NEK10: variants seen among roughly 807,000 people sequenced by gnomAD.
The protein encoded by NEK10 is serine/threonine-protein kinase Nek10.
In NEK10, 122 loss-of-function variants were observed where a neutral mutation model predicts 159.8. That is an observed-to-expected ratio of 0.76 (90% confidence interval 0.66 to 0.89). The LOEUF (loss-of-function observed/expected upper bound fraction) is 0.89, where lower values mean the gene tolerates loss of function less well. NEK10 is among the 40% of genes least tolerant of loss of function. The pLI is 0.00. For missense variants in NEK10, 1,342 were observed against 1,323.1 expected, an observed-to-expected ratio of 1.01 and a Z score of -0.22; for synonymous variants, 466 against 457.1, an observed-to-expected ratio of 1.02 and a Z score of -0.25.
chr3:27,311,838 A>G (rs997846185), intron 8 of NEK10: 1 of 420,482 alleles, frequency 2.4e-6, no homozygotes, highest in Non-Finnish European at 4.2e-6. Flanking sequence ...GCAAAAATAG[A>G]TTTTACCAAA....
chr3:27,346,210 C>CTAAAGTTAA lies in NEK10; in HGVS notation c.138_139insTTAACTTTA (p.Pro46_Ala47insLeuThrLeu). The CTAAAGTTAA allele has an allele frequency of 3.1e-6, 5 of 1,613,662 alleles. No homozygotes were observed. Among genetic ancestry groups the CTAAAGTTAA allele is most frequent in the Non-Finnish European group, 4.2e-6 (5 of 1,179,670 alleles). Reference sequence around the variant, plus strand: ...TTTTGGGCACTATCGAAGTTAATGGCTGGAAGCTACAGAAATAGAAGCATA... The same window carrying CTAAAGTTAA: ...TTTTGGGCACTATCGAAGTTAATGGCTAAAGTTAATGGAAGCTACAGAAATAGAAGCATA... On this transcript the variant is annotated inframe_insertion, in exon 4 of 36. Coordinates refer to ENST00000691995, the MANE Select transcript of NEK10 (RefSeq NM_001394966.1).
intron 29 of NEK10, among the ~76,000 whole-genome samples, chr3:27,165,727 G>A (rs1946413239): frequency 6.6e-6 from 1 of 152,230 alleles, no homozygotes; most frequent in South Asian, 2.1e-4. Flanking sequence ...TGCTGAAAAT[G>A]AGTGTTAGCC....
At chr3:27,213,022 C>T (rs1951157812) in intron 23 of NEK10, among the ~76,000 whole-genome samples, 1 of 152,144 alleles carries the variant, frequency 6.6e-6, no homozygotes, top group South Asian at 2.1e-4. Context: ...TGTAACTTTA[C>T]TTCATCCTCT....
chr3:27,270,443 C>G (rs995172119), intron 22 of NEK10, among the ~76,000 whole-genome samples: 3 of 152,114 alleles, frequency 2.0e-5, no homozygotes, highest in Non-Finnish European at 4.4e-5. Context: ...ATGAGAAACC[C>G]TAAGTCAGAA....
chr3:27,212,444 C>G (rs1951088916), intron 23 of NEK10, among the ~76,000 whole-genome samples: 1 of 152,168 alleles, frequency 6.6e-6, no homozygotes, highest in Admixed American at 6.5e-5. Context: ...CAGAAGTTCC[C>G]TCACTGAATA....
chr3:27,263,312 C>T (rs1343782161), intron 22 of NEK10, among the ~76,000 whole-genome samples: 5 of 152,208 alleles, frequency 3.3e-5, no homozygotes, highest in South Asian at 2.1e-4. Flanking sequence ...TCTCCAGCTG[C>T]GTGCTGAGAG....
At chr3:27,123,156 G>A (rs1395166522) in intron 32 of NEK10, among the ~76,000 whole-genome samples, 1 of 152,146 alleles carries the variant, frequency 6.6e-6, no homozygotes, top group African/African-American at 2.4e-5. Flanking sequence ...AAATAATCTG[G>A]TTTCTGTGAG....
intron 32 of NEK10, among the ~76,000 whole-genome samples, chr3:27,127,532 A>G (rs1421827075): frequency 6.6e-6 from 1 of 152,156 alleles, no homozygotes; most frequent in African/African-American, 2.4e-5. Flanking sequence ...ACTGTATTAA[A>G]TACTGTAGGC....
chr3:27,298,103 C>T (rs986123331), intron 13 of NEK10, among the ~76,000 whole-genome samples: 2 of 152,112 alleles, frequency 1.3e-5, no homozygotes, highest in South Asian at 2.1e-4. Context: ...TACTCTTAAC[C>T]GTTTATGTTT....
At chr3:27,213,751 G>A (rs1308943815) in intron 23 of NEK10, among the ~76,000 whole-genome samples, 3 of 152,042 alleles carry the variant, frequency 2.0e-5, no homozygotes, top group Admixed American at 2.0e-4. Context: ...ATTCCAACCT[G>A]ACTCTGGTGT....
At chr3:27,212,030 T>C (rs9863368) in intron 23 of NEK10, among the ~76,000 whole-genome samples, 147,340 of 152,296 alleles carry the variant, frequency 0.97, 71,313 homozygotes, top group East Asian at 1. Flanking sequence ...ATGCTATGTC[T>C]ATCGATTAAA....
intron 26 of NEK10, among the ~76,000 whole-genome samples, chr3:27,189,696 T>C (rs1205912249): frequency 6.6e-6 from 1 of 152,176 alleles, no homozygotes; most frequent in East Asian, 1.9e-4. Flanking sequence ...TACTGTCTTT[T>C]GATGAAATGC....
chr3:27,266,022 T>A (rs1160226244), intron 22 of NEK10, among the ~76,000 whole-genome samples: 1 of 152,080 alleles, frequency 6.6e-6, no homozygotes, highest in Non-Finnish European at 1.5e-5. Context: ...TTAGCCAGGA[T>A]GGTCTCGATC....
intron 23 of NEK10, among the ~76,000 whole-genome samples, chr3:27,242,468 A>G (rs1185738835): frequency 6.6e-6 from 1 of 152,192 alleles, no homozygotes; most frequent in East Asian, 1.9e-4. Context: ...ATTTAGGCCC[A>G]GAAAAATTAA....
intron 30 of NEK10, among the ~76,000 whole-genome samples, chr3:27,149,732 C>A (rs1429849919): frequency 6.6e-6 from 1 of 152,152 alleles, no homozygotes; most frequent in Non-Finnish European, 1.5e-5. Flanking sequence ...AGTTAATAAT[C>A]CTACAATGGC....
intron 23 of NEK10, among the ~76,000 whole-genome samples, chr3:27,222,338 A>G (rs1409655338): frequency 5.3e-5 from 8 of 152,230 alleles, no homozygotes; most frequent in East Asian, 1.9e-4. Flanking sequence ...ATGCCACTGC[A>G]CTCCAGCCTG....
chr3:27,148,904 T>C (rs1444103316), intron 30 of NEK10, among the ~76,000 whole-genome samples: 2 of 151,998 alleles, frequency 1.3e-5, no homozygotes, highest in Non-Finnish European at 2.9e-5. Context: ...GTGAGATGAG[T>C]ATCCATTTGA....
rs372439090 is a variant in NEK10 at position 27,346,170 on chromosome 3, G to C, written c.179C>G (p.Ser60Cys). 2 of 1,613,692 alleles carry C rather than the reference G, an allele frequency of 1.2e-6. No individual in the cohort carries two copies. The highest frequency in any genetic ancestry group is 1.7e-5 in the Admixed American group (1 of 59,998). The change falls in exon 4 of 36, where the codon TCT (serine) becomes TGT (cysteine). Residue 60 changes from serine (S) to cysteine (C), a missense_variant. Physicochemically the swap from Ser to Cys is moderately radical, Grantham distance 112. Transcript: ENST00000691995. The stretch of plus-strand genomic sequence containing the variant: ...TCCACCCGCCCTGATGGCGGGCTCA[G>C]ACTTCGTCATGCTATTTTGGGCACT... ...FDSAQNSMTKSEPAIRAGGHR... is the reference protein window; with the variant it reads ...FDSAQNSMTKCEPAIRAGGHR...
intron 30 of NEK10, among the ~76,000 whole-genome samples, chr3:27,161,370 A>C (rs2148811712): frequency 6.6e-6 from 1 of 152,360 alleles, no homozygotes; most frequent in African/African-American, 2.4e-5. Flanking sequence ...CAAACTGTCA[A>C]TAACTCATCC....
Sources: gnomAD v4.1 joint callset for allele counts (sites outside exome capture counted in the v4.1 genomes callset) on GRCh38, gnomAD v4.1.1 for gene constraint, MANE v1.5 for transcripts, NCBI Gene and HGNC (gene_info 2026-07-23, HGNC 2026-07-21) for gene names.